LOXL2: variants seen among roughly 807,000 people sequenced by gnomAD.
The protein encoded by LOXL2 is lysyl oxidase homolog 2.
Under a neutral mutation model 93.0 loss-of-function variants are expected in LOXL2, and 70 were observed. The observed-to-expected ratio is 0.75, with a 90% confidence interval of 0.62 to 0.92. The LOEUF is 0.92. Ranked by LOEUF, LOXL2 falls within the 40% of genes least tolerant of loss-of-function variation. The pLI is 0.00. For missense variants in LOXL2, 973 were observed against 1,054.9 expected (o/e 0.92, Z 1.08); for synonymous variants, 438 against 413.2 (o/e 1.06, Z -0.73).
In LOXL2 at chr8:23,403,983, T is replaced by C; in HGVS notation, c.-113A>G. The C allele has an allele frequency of 5.9e-6, 1 of 169,752 alleles. No homozygotes were observed. Among genetic ancestry groups the C allele is most frequent in the South Asian group, 1.1e-4 (1 of 9,090 alleles). The allele number at this position is 169,752 out of a possible 1,614,324, so 10.5% of individuals were successfully genotyped here. A position where few individuals can be genotyped will look rare whatever the true frequency, so the allele number is the denominator to read the frequency against. The stretch of plus-strand genomic sequence containing the variant: ...TTTCAGGGATCCGCAGTGGCCGGGC[T>C]GGGACCGCGCTCTCCACGGTGGTCC... On this transcript the variant is annotated 5_prime_UTR_variant, in exon 1 of 14. Coordinates refer to ENST00000389131, the MANE Select transcript of LOXL2 (RefSeq NM_002318.3).
At chr8:23,364,545 T>TG (rs888109521) in intron 2 of LOXL2, 7 of 152,154 alleles carry the variant, frequency 4.6e-5, no homozygotes, top group African/African-American at 1.7e-4. Flanking sequence ...TTAGACTGTG[T>TG]GGGGTCACAA....
At chr8:23,390,487 A>G (rs1202633693) in intron 1 of LOXL2, among the ~76,000 whole-genome samples, 1 of 152,226 alleles carries the variant, frequency 6.6e-6, no homozygotes, top group Non-Finnish European at 1.5e-5. Context: ...AGGTAAGCAT[A>G]CAAAACTGCA....
chr8:23,393,737 T>A (rs1361321694), intron 1 of LOXL2, among the ~76,000 whole-genome samples: 1 of 152,002 alleles, frequency 6.6e-6, no homozygotes, highest in African/African-American at 2.4e-5. Flanking sequence ...CAAAAAAAAA[T>A]GTTTTGAAGA....
At chr8:23,319,484 C>G (rs1055643801) in intron 8 of LOXL2, among the ~76,000 whole-genome samples, 2 of 152,248 alleles carry the variant, frequency 1.3e-5, no homozygotes, top group Non-Finnish European at 2.9e-5. Flanking sequence ...CAAGCTAAGG[C>G]GTTTAGCGGG....
intron 10 of LOXL2, 118 bp from the exon 11 acceptor site, chr8:23,303,515 G>C: frequency 1.5e-6 from 1 of 656,780 alleles, no homozygotes; most frequent in Non-Finnish European, 2.8e-6. Flanking sequence ...AGGGGGCCGG[G>C]TGGGGAGAGG....
intron 3 of LOXL2, among the ~76,000 whole-genome samples, chr8:23,342,471 G>A (rs138966306): frequency 0.018 from 2,633 of 144,248 alleles, 90 homozygotes; most frequent in East Asian, 0.13. Context: ...TCGCTCTGTC[G>A]CCCAGGCTGG....
intron 1 of LOXL2, among the ~76,000 whole-genome samples, chr8:23,379,656 G>A (rs1336936618): frequency 6.4e-4 from 7 of 10,964 alleles, no homozygotes; most frequent in Admixed American, 5.0e-3. Flanking sequence ...TCCCCCAGCC[G>A]CCTTGCTGCC....
chr8:23,314,865 A>AAAC (rs56958730), intron 9 of LOXL2, among the ~76,000 whole-genome samples: 23,648 of 151,954 alleles, frequency 0.16, 3,993 homozygotes, highest in African/African-American at 0.43. Flanking sequence ...AAAAGGAGAA[A>AAAC]AACAACAACA....
intron 1 of LOXL2, among the ~76,000 whole-genome samples, chr8:23,399,789 C>T (rs1185424803): frequency 6.6e-6 from 1 of 152,218 alleles, no homozygotes; most frequent in Non-Finnish European, 1.5e-5. Context: ...CATGCTTGTG[C>T]AACTGCAGCT....
chr8:23,369,807 C>T (rs4615575), intron 1 of LOXL2, among the ~76,000 whole-genome samples: 34,944 of 152,010 alleles, frequency 0.23, 6,194 homozygotes, highest in African/African-American at 0.5. Flanking sequence ...AACGGACCAA[C>T]GCACAGCCTG....
chr8:23,349,850 G>A (rs907850718), intron 3 of LOXL2, among the ~76,000 whole-genome samples: 1 of 151,998 alleles, frequency 6.6e-6, no homozygotes, highest in Non-Finnish European at 1.5e-5. Context: ...GAAGGAACCA[G>A]TAATGATTTT....
At chr8:23,337,865 C>T (rs1350741889) in intron 4 of LOXL2, among the ~76,000 whole-genome samples, 1 of 152,146 alleles carries the variant, frequency 6.6e-6, no homozygotes, top group East Asian at 1.9e-4. Flanking sequence ...GTGAGGAGCC[C>T]CTGACTCTAC....
intron 9 of LOXL2, among the ~76,000 whole-genome samples, chr8:23,311,362 C>T (rs1158521609): frequency 3.3e-5 from 5 of 152,170 alleles, no homozygotes; most frequent in Admixed American, 2.0e-4. Flanking sequence ...AGGAGGCTCC[C>T]GTTTACTGAC....
intron 8 of LOXL2, among the ~76,000 whole-genome samples, 153 bp downstream of exon 8, chr8:23,319,732 C>T (rs1803463345): frequency 6.6e-6 from 1 of 151,814 alleles, no homozygotes; most frequent in South Asian, 2.1e-4. Context: ...GCGCTGTGGC[C>T]AGAGCGAGGC....
In LOXL2 at chr8:23,375,030, T is replaced by C. The variant is rs186021038; in HGVS notation, c.-83-6596A>G. ...CATGAAGTCCTTGCTCATGCCTGTGTCCTGAATGGTACTGCCTAGGTTTTC... is the reference window on the plus strand; with the variant it reads ...CATGAAGTCCTTGCTCATGCCTGTGCCCTGAATGGTACTGCCTAGGTTTTC... On this transcript the variant is annotated intron_variant, in intron 1 of 13. Transcript: ENST00000389131. 6.6e-3 allele frequency among the ~76,000 whole-genome samples: 998 copies of C among 152,362 alleles called. 6 individuals carry two copies. Among genetic ancestry groups the C allele is most frequent in the African/African-American group, 0.022 (934 of 41,576 alleles).
chr8:23,309,748 G>A lies in LOXL2; in HGVS notation c.1800C>T (p.Ser600=), dbSNP rs372484770. Reference sequence around the variant, plus strand: ...ACTGGCCATTGTTGTGGATCTGGGAGGAGAAGCGCAGGAGCCGGCGGTAGC... The same window carrying A: ...ACTGGCCATTGTTGTGGATCTGGGAAGAGAAGCGCAGGAGCCGGCGGTAGC... ...TTGYRRLLRF[S]SQIHNNGQSD... Residue 600 remains serine (S), a synonymous_variant, in exon 10 of 14, where the codon TCC becomes TCT. Coordinates refer to ENST00000389131, the MANE Select transcript of LOXL2 (RefSeq NM_002318.3). 5 of 1,601,432 alleles carry A rather than the reference G, an allele frequency of 3.1e-6. No homozygotes were observed. The East Asian group carries it at 9.1e-5, about 29-fold the overall frequency.
chr8:23,305,654 G>C (rs1236765455), intron 10 of LOXL2, among the ~76,000 whole-genome samples: 3 of 152,022 alleles, frequency 2.0e-5, no homozygotes, highest in Admixed American at 6.5e-5. Context: ...TCTAGGAGGG[G>C]GCTGGATCCC....
rs1202987413 is a variant in LOXL2, at chr8:23,297,635, C to T, written c.*408G>A. Reference sequence around the variant, plus strand: ...AGGAGAAATGGGGTTCGGCCTGACCCTCTCTGGGGGGGCTGATGAGCCCGC... The same window carrying T: ...AGGAGAAATGGGGTTCGGCCTGACCTTCTCTGGGGGGGCTGATGAGCCCGC... On this transcript the variant is annotated 3_prime_UTR_variant, in exon 14 of 14. Coordinates refer to ENST00000389131, the MANE Select transcript of LOXL2 (RefSeq NM_002318.3). The T allele has an allele frequency of 1.2e-5, 2 of 169,938 alleles. No individual in the cohort carries two copies. The highest frequency in any genetic ancestry group is 2.5e-5 in the Non-Finnish European group (2 of 79,722). 10.5% of individuals were successfully genotyped at this position (169,938 alleles called of 1,614,324 possible). A position where few individuals can be genotyped will look rare whatever the true frequency, so the allele number is the denominator to read the frequency against.
intron 1 of LOXL2, among the ~76,000 whole-genome samples, chr8:23,395,317 C>CA (rs111889384): frequency 0.077 from 6,300 of 81,932 alleles, 387 homozygotes; most frequent in African/African-American, 0.21. Flanking sequence ...AAAGCCAGAC[C>CA]AAAAAAAAAA....
Sources: allele counts gnomAD v4.1 joint callset (sites outside exome capture counted in the v4.1 genomes callset), GRCh38; gene constraint gnomAD v4.1.1; transcripts MANE v1.5; gene names NCBI Gene and HGNC (gene_info 2026-07-23, HGNC 2026-07-21).